THSD7A: variants seen among roughly 807,000 people sequenced by gnomAD.
THSD7A encodes the protein thrombospondin type-1 domain-containing protein 7A.
In THSD7A, 96 loss-of-function variants were observed where a neutral mutation model predicts 231.3. The ratio of observed to expected loss-of-function variants is 0.41; its 90% CI spans 0.35 to 0.49. The LOEUF (loss-of-function observed/expected upper bound fraction) is 0.49, where lower values mean the gene tolerates loss of function less well. Among genes scored for constraint, THSD7A ranks in the 20% least tolerant of loss-of-function variants. THSD7A has a pLI of 0.05. For synonymous variants in THSD7A, 940 were observed against 743.3 expected, an observed-to-expected ratio of 1.26 and a Z score of -4.30; for missense variants, 2,290 against 2,070.2, an observed-to-expected ratio of 1.11 and a Z score of -2.06.
chr7:11,493,284 G>C (rs746113896), intron 6 of THSD7A, among the ~76,000 whole-genome samples: 29 of 152,038 alleles, frequency 1.9e-4, no homozygotes, highest in Non-Finnish European at 2.8e-4. Flanking sequence ...AAGTTGGTGA[G>C]TTTGGGATGG....
intron 1 of THSD7A, among the ~76,000 whole-genome samples, chr7:11,778,152 G>A (rs1783491356): frequency 5.4e-5 from 1 of 18,366 alleles, no homozygotes; most frequent in African/African-American, 1.7e-4. Flanking sequence ...GCGAGACTCC[G>A]TCTCAAAAAA....
chr7:11,741,870 C>T lies in THSD7A; in HGVS notation c.190+89887G>A, dbSNP rs1236906693. Among the ~76,000 whole-genome samples the T allele has an allele frequency of 9.2e-5, 14 of 152,026 alleles. No individual in the cohort carries two copies. In the East Asian group the frequency reaches 2.5e-3, roughly 27 times the overall value. ...CTTAAGTTTGTATACCATTTAACTG[C>T]TTCCAAAGCTCATGTATATACACTG... On this transcript the variant is annotated intron_variant, in intron 1 of 27. Coordinates refer to ENST00000423059, the MANE Select transcript of THSD7A (RefSeq NM_015204.3).
intron 6 of THSD7A, among the ~76,000 whole-genome samples, chr7:11,501,521 T>C (rs145041874): frequency 7.0e-4 from 107 of 152,278 alleles, no homozygotes; most frequent in African/African-American, 2.4e-3. Context: ...AACATGCTCC[T>C]GAATGGCTTT....
intron 4 of THSD7A, among the ~76,000 whole-genome samples, chr7:11,544,407 A>G (rs1371469607): frequency 1.3e-5 from 2 of 151,810 alleles, no homozygotes; most frequent in Admixed American, 6.6e-5. Context: ...TTCCTTTATC[A>G]CTCTCATGAT....
intron 4 of THSD7A, among the ~76,000 whole-genome samples, chr7:11,559,334 A>T (rs1789982106): frequency 6.6e-6 from 1 of 152,176 alleles, no homozygotes; most frequent in South Asian, 2.1e-4. Flanking sequence ...GCAGTAGAAA[A>T]CTAATACACA....
intron 1 of THSD7A, among the ~76,000 whole-genome samples, chr7:11,646,411 G>A (rs1053975098): frequency 6.6e-6 from 1 of 152,072 alleles, no homozygotes; most frequent in African/African-American, 2.4e-5. Flanking sequence ...TTGAAGACAT[G>A]ACAAGTCTTC....
At chr7:11,657,817 T>C (rs938608609) in intron 1 of THSD7A, among the ~76,000 whole-genome samples, 6 of 151,786 alleles carry the variant, frequency 4.0e-5, no homozygotes, top group Non-Finnish European at 8.8e-5. Context: ...TTGGTATTGC[T>C]CCTTAATAAA....
chr7:11,414,823 T>G (rs1337984800), intron 17 of THSD7A, among the ~76,000 whole-genome samples: 1 of 152,182 alleles, frequency 6.6e-6, no homozygotes, highest in Non-Finnish European at 1.5e-5. Flanking sequence ...TAATGTGTAT[T>G]ATATAAAGGT....
intron 1 of THSD7A, among the ~76,000 whole-genome samples, chr7:11,676,842 A>T (rs932348061): frequency 2.0e-5 from 3 of 152,148 alleles, no homozygotes; most frequent in Non-Finnish European, 4.4e-5. Flanking sequence ...TGGAAAACAC[A>T]CTGCAGTGTA....
chr7:11,575,842 G>C (rs1166767528), intron 4 of THSD7A, among the ~76,000 whole-genome samples: 1 of 152,122 alleles, frequency 6.6e-6, no homozygotes, highest in Non-Finnish European at 1.5e-5. Flanking sequence ...TAAAGAAAAA[G>C]CTTCCTTATA....
intron 1 of THSD7A, among the ~76,000 whole-genome samples, chr7:11,725,188 C>T (rs1020355909): frequency 1.3e-5 from 2 of 151,924 alleles, no homozygotes; most frequent in Non-Finnish European, 2.9e-5. Flanking sequence ...ACAACCAAAA[C>T]AATTAATTAA....
chr7:11,572,220 A>G (rs1211185418), intron 4 of THSD7A, among the ~76,000 whole-genome samples: 1 of 151,972 alleles, frequency 6.6e-6, no homozygotes, highest in African/African-American at 2.4e-5. Context: ...CCTTGTGTTT[A>G]CTTTGTTTTC....
chr7:11,507,277 G>C (rs1333974859), intron 6 of THSD7A, among the ~76,000 whole-genome samples: 1 of 152,012 alleles, frequency 6.6e-6, no homozygotes, highest in Non-Finnish European at 1.5e-5. Flanking sequence ...TCTGGGGTGA[G>C]TTCATGTTAA....
At chr7:11,709,320 C>T (rs985523009) in intron 1 of THSD7A, among the ~76,000 whole-genome samples, 1 of 150,644 alleles carries the variant, frequency 6.6e-6, no homozygotes, top group Non-Finnish European at 1.5e-5. Context: ...TGAATTTATA[C>T]CAAGAAATAC....
chr7:11,476,397 C>T (rs539258136), intron 7 of THSD7A, among the ~76,000 whole-genome samples: 1 of 151,684 alleles, frequency 6.6e-6, no homozygotes, highest in African/African-American at 2.4e-5. Context: ...ATTTTACCTT[C>T]TCCAGTACAT....
Position 11,374,306 on chromosome 7 carries a change from T to C in THSD7A, c.*1488A>G, listed in dbSNP as rs1313675372. On this transcript the variant is annotated 3_prime_UTR_variant, in exon 28 of 28. Transcript: ENST00000423059. ...TGGAAAATATTTTCTATATAGTCCT[T>C]TACAGAAAAAGTTTGCCACTCTTGC... is the stretch of plus-strand genomic sequence containing the variant. The C allele has an allele frequency of 1.3e-5, 2 of 152,130 alleles. No homozygotes were observed. Among genetic ancestry groups the C allele is most frequent in the Admixed American group, 6.6e-5 (1 of 15,248 alleles). The allele number at this position is 152,130 out of a possible 1,614,324, so 9.4% of individuals were successfully genotyped here.
chr7:11,800,364 C>T (rs938538835), intron 1 of THSD7A, among the ~76,000 whole-genome samples: 1 of 152,114 alleles, frequency 6.6e-6, no homozygotes, highest in African/African-American at 2.4e-5. Flanking sequence ...GACTGGCCAA[C>T]ATGGTGAAAC....
At chr7:11,475,716 T>G (rs1314422323) in intron 7 of THSD7A, among the ~76,000 whole-genome samples, 1 of 150,396 alleles carries the variant, frequency 6.6e-6, no homozygotes, top group African/African-American at 2.4e-5. Context: ...ATTAAAATCA[T>G]TTAGCTGTAA....
chr7:11,651,465 C>G (rs76127783), intron 1 of THSD7A, among the ~76,000 whole-genome samples: 1,888 of 148,000 alleles, frequency 0.013, 44 homozygotes, highest in African/African-American at 0.045. Context: ...CTGTATCCAT[C>G]TATTATCTAT....
Sources: allele counts gnomAD v4.1 joint callset (sites outside exome capture counted in the v4.1 genomes callset), GRCh38; gene constraint gnomAD v4.1.1; transcripts MANE v1.5; gene names NCBI Gene and HGNC (gene_info 2026-07-23, HGNC 2026-07-21).